Variants in ATRX observed in about 807,000 individuals in gnomAD.
The protein encoded by ATRX is chromatin remodeler ATRX.
A neutral mutation model predicts 172.6 loss-of-function variants in ATRX; 12 were observed. The observed-to-expected ratio is 0.07, with a 90% CI of 0.04 to 0.11. The LOEUF is 0.11. Ranked by LOEUF, ATRX falls within the 10% of genes least tolerant of loss-of-function variation. The pLI, the probability that ATRX is intolerant of heterozygous loss-of-function variation, is 1.00. For missense variants in ATRX, 1,368 were observed against 1,767.4 expected, an observed-to-expected ratio of 0.77 and a Z score of 4.05; for synonymous variants, 674 against 594.7, an observed-to-expected ratio of 1.13 and a Z score of -1.94.
At chrX:77,769,276 T>C (rs2076076661) in intron 1 of ATRX, among the ~76,000 whole-genome samples, 1 of 108,577 alleles carries the variant, frequency 9.2e-6, no homozygotes, top group African/African-American at 3.5e-5. Flanking sequence ...AACTGTTTTT[T>C]GTTTGTTTTT....
intron 1 of ATRX, among the ~76,000 whole-genome samples, chrX:77,746,808 C>G (rs1040059689): frequency 9.0e-6 from 1 of 111,011 alleles, no homozygotes; most frequent in Non-Finnish European, 1.9e-5. Context: ...TTTGAAAAAC[C>G]CTTTTTTTGA....
chrX:77,535,718 A>G (rs942970576), intron 30 of ATRX, among the ~76,000 whole-genome samples: 2 of 110,689 alleles, frequency 1.8e-5, no homozygotes, highest in Admixed American at 1.9e-4. Flanking sequence ...AGCAGTTTAA[A>G]TTATGTCTTT....
chrX:77,560,174 G>GT (rs2147958372), intron 28 of ATRX, among the ~76,000 whole-genome samples: 1 of 109,386 alleles, frequency 9.1e-6, no homozygotes, highest in South Asian at 4.3e-4. Context: ...AAAACTATCT[G>GT]TTTTTTAAAA....
intron 1 of ATRX, among the ~76,000 whole-genome samples, chrX:77,749,965 A>C (rs1329876919): frequency 9.0e-6 from 1 of 110,711 alleles, no homozygotes; most frequent in African/African-American, 3.3e-5. Context: ...CTTCTGATGT[A>C]ACACCAGAAG....
intron 1 of ATRX, among the ~76,000 whole-genome samples, chrX:77,762,331 T>TA (rs1229473551): frequency 3.2e-5 from 3 of 95,151 alleles, no homozygotes; most frequent in Non-Finnish European, 6.3e-5. Context: ...AAAAAAAAGA[T>TA]ACACATTGAC....
At chrX:77,540,985 T>C (rs1557050547) in intron 30 of ATRX, among the ~76,000 whole-genome samples, 3 of 109,900 alleles carry the variant, frequency 2.7e-5, no homozygotes, top group African/African-American at 6.6e-5. Context: ...CTGAAGGAGA[T>C]AGAGACATAA....
chrX:77,735,774 C>A (rs2074529508), intron 1 of ATRX, among the ~76,000 whole-genome samples: 1 of 81,708 alleles, frequency 1.2e-5, no homozygotes, highest in Non-Finnish European at 2.3e-5. Context: ...TGCACTCCAG[C>A]CTGGGTGACA....
rs376756307 is a variant in ATRX, at chrX:77,708,514, T to C, written c.133+8617A>G. On this transcript the variant is annotated intron_variant, in intron 2 of 34. Coordinates refer to ENST00000373344, the MANE Select transcript of ATRX (RefSeq NM_000489.6). ...TGTCTCTACTAAAAAATACAAAAAT[T>C]AGCCAGGTGTGGTGGCGCACGCCTA... Among the ~76,000 whole-genome samples the C allele has an allele frequency of 6.3e-5, 7 of 110,441 alleles. No individual in the cohort carries two copies. In the East Asian group the frequency reaches 1.7e-3, roughly 27 times the overall value.
chrX:77,586,766 T>C (rs2066041077), intron 27 of ATRX, among the ~76,000 whole-genome samples: 3 of 111,698 alleles, frequency 2.7e-5, no homozygotes, highest in South Asian at 7.5e-4. Context: ...ATTTAAAATG[T>C]TGAAAAATTA....
intron 15 of ATRX, among the ~76,000 whole-genome samples, chrX:77,640,592 T>C (rs1415137187): frequency 4.5e-5 from 5 of 110,623 alleles, no homozygotes; most frequent in Admixed American, 9.7e-5. Context: ...GCAAAATATA[T>C]GAAAAAAATT....
intron 3 of ATRX, among the ~76,000 whole-genome samples, 165 bp downstream of exon 3, chrX:77,698,409 A>G (rs1284357875): frequency 1.8e-5 from 2 of 111,995 alleles, no homozygotes; most frequent in African/African-American, 6.5e-5. Context: ...CAATAACAGA[A>G]ACAATGAACA....
chrX:77,540,231 T>G (rs1440438698), intron 30 of ATRX, among the ~76,000 whole-genome samples: 1 of 111,657 alleles, frequency 9.0e-6, no homozygotes, highest in African/African-American at 3.3e-5. Context: ...GGGCATTACA[T>G]AATGGTAAAA....
intron 7 of ATRX, among the ~76,000 whole-genome samples, chrX:77,686,726 A>T (rs1467113489): frequency 1.8e-5 from 2 of 110,610 alleles, no homozygotes; most frequent in Non-Finnish European, 3.8e-5. Flanking sequence ...AAAATAAATA[A>T]ATAAATAAAA....
In ATRX at chrX:77,556,211, AAGGGAGAGAGGGAGAG is replaced by A. The variant is rs1295872654; in HGVS notation, c.6699+1224_6699+1239del. 2.1e-3 allele frequency among the ~76,000 whole-genome samples: 34 copies of A among 15,833 alleles called. 4 individuals are homozygous for A. The highest frequency in any genetic ancestry group is 0.013 in the Admixed American group (13 of 990). 13.7% of individuals were successfully genotyped at this position (15,833 alleles called of 115,157 possible). On this transcript the variant is annotated intron_variant, in intron 30 of 34. Coordinates refer to ENST00000373344, the MANE Select transcript of ATRX (RefSeq NM_000489.6). The stretch of plus-strand genomic sequence containing the variant: ...AAGGAGAGGGAGAGGGAGAGGGGGA[AAGGGAGAGAGGGAGAG>A]AGGGAGAGAGGGAGAGAGGGAGAGA...
At chrX:77,550,580 A>G (rs1425196915) in intron 30 of ATRX, among the ~76,000 whole-genome samples, 2 of 110,434 alleles carry the variant, frequency 1.8e-5, no homozygotes, top group East Asian at 2.8e-4. Flanking sequence ...CTCTCTCACC[A>G]CTCCTATTCA....
chrX:77,671,167 AATAT>A (rs3063061), intron 10 of ATRX, among the ~76,000 whole-genome samples: 554 of 15,704 alleles, frequency 0.035, 29 homozygotes, highest in African/African-American at 0.096. Flanking sequence ...AAAAAAAAAA[AATAT>A]ATATATATAT....
intron 22 of ATRX, among the ~76,000 whole-genome samples, chrX:77,606,670 C>T (rs984097831): frequency 1.8e-4 from 19 of 108,513 alleles, no homozygotes; most frequent in Non-Finnish European, 3.4e-4. Flanking sequence ...CACCTGTAAT[C>T]CCAGCACTTC....
chrX:77,582,048 G>A, intron 27 of ATRX, among the ~76,000 whole-genome samples: 1 of 111,453 alleles, frequency 9.0e-6, no homozygotes, highest in Middle Eastern at 4.7e-3. Context: ...AAAGCTTATA[G>A]CTATAAATGC....
At position 77,671,110 on chromosome X, in the gene ATRX, T is replaced by C. The variant is rs1269645036; in HGVS notation, c.3809+5116A>G. 1.9e-4 allele frequency among the ~76,000 whole-genome samples: 15 copies of C among 80,567 alleles called. No homozygotes were observed. The Admixed American group carries it at 2.4e-3, about 13-fold the overall frequency. 70.0% of individuals were successfully genotyped at this position (80,567 alleles called of 115,157 possible). A position where few individuals can be genotyped will look rare whatever the true frequency, so the allele number is the denominator to read the frequency against. ...CTGCAGTGAGCCGAGATCATGCCTC[T>C]GCACTCCAGCCTGGGTGACAGAGTG... is the stretch of plus-strand genomic sequence containing the variant. On this transcript the variant is annotated intron_variant, in intron 10 of 34. Coordinates refer to ENST00000373344, the MANE Select transcript of ATRX (RefSeq NM_000489.6).
Sources: gnomAD v4.1 joint callset for allele counts (sites outside exome capture counted in the v4.1 genomes callset) on GRCh38, gnomAD v4.1.1 for gene constraint, MANE v1.5 for transcripts, NCBI Gene and HGNC (gene_info 2026-07-23, HGNC 2026-07-21) for gene names.